The following CLNK variants were observed in gnomAD, a reference collection of about 807,000 sequenced individuals.
CLNK encodes the protein cytokine-dependent hematopoietic cell linker.
Under a neutral mutation model 68.6 loss-of-function variants are expected in CLNK, and 74 were observed. That is an observed-to-expected ratio of 1.08 (90% CI 0.89 to 1.31). The LOEUF (loss-of-function observed/expected upper bound fraction) is 1.31. Among genes scored for constraint, CLNK ranks in the 50% most tolerant of loss-of-function variants. CLNK has a pLI of 0.00. For missense variants in CLNK, 553 were observed against 515.3 expected, an observed-to-expected ratio of 1.07 and a Z score of -0.71; for synonymous variants, 198 against 172.2, an observed-to-expected ratio of 1.15 and a Z score of -1.17.
At chr4:10,515,951 C>A (rs1717816433) in intron 15 of CLNK, among the ~76,000 whole-genome samples, 1 of 152,118 alleles carries the variant, frequency 6.6e-6, no homozygotes, top group Admixed American at 6.5e-5. Context: ...TCACATGACA[C>A]CTAAGCTTTA....
intron 18 of CLNK, among the ~76,000 whole-genome samples, chr4:10,499,694 A>T (rs1261194485): frequency 6.6e-6 from 1 of 152,218 alleles, no homozygotes; most frequent in Non-Finnish European, 1.5e-5. Flanking sequence ...AAGGTGGCTT[A>T]AACAACAGAA....
At chr4:10,524,420 C>G (rs1453112468) in intron 14 of CLNK, among the ~76,000 whole-genome samples, 1 of 152,170 alleles carries the variant, frequency 6.6e-6, no homozygotes, top group Non-Finnish European at 1.5e-5. Flanking sequence ...GTGAGGTCGC[C>G]CAAGTCACAT....
intron 1 of CLNK, among the ~76,000 whole-genome samples, chr4:10,668,868 T>C (rs894630796): frequency 1.3e-5 from 2 of 152,134 alleles, no homozygotes; most frequent in African/African-American, 4.8e-5. Flanking sequence ...TTGGCCAAAC[T>C]CAACAGAAAG....
At chr4:10,628,833 A>G (rs1722778717) in intron 2 of CLNK, among the ~76,000 whole-genome samples, 1 of 152,322 alleles carries the variant, frequency 6.6e-6, no homozygotes, top group South Asian at 2.1e-4. Flanking sequence ...GTCCAGACCT[A>G]CCAATGAAGA....
In CLNK at chr4:10,487,926, C is replaced by A. The variant is rs1716422712; in HGVS notation, c.*2541G>T. On this transcript the variant is annotated 3_prime_UTR_variant, in exon 19 of 19. Transcript: ENST00000226951. ...TCTTTCTCAAACATTAACCTCCAATCAGTGTTTGCACTTCTAACTTTGTCC... is the reference window on the plus strand; with the variant it reads ...TCTTTCTCAAACATTAACCTCCAATAAGTGTTTGCACTTCTAACTTTGTCC... 3 of 152,076 alleles carry A rather than the reference C, an allele frequency of 2.0e-5. No homozygotes were observed. The South Asian group carries it at 6.2e-4, about 32-fold the overall frequency. The allele number at this position is 152,076 out of a possible 1,614,324, so 9.4% of individuals were successfully genotyped here. A position where few individuals can be genotyped will look rare whatever the true frequency, so the allele number is the denominator to read the frequency against.
chr4:10,569,663 C>A (rs1720265180), intron 5 of CLNK, among the ~76,000 whole-genome samples: 1 of 152,332 alleles, frequency 6.6e-6, no homozygotes, highest in African/African-American at 2.4e-5. Context: ...TGCACTCACA[C>A]ACAATGGTCA....
Position 10,520,813 on chromosome 4 carries a change from G to A in CLNK, c.750C>T (p.Ser250=), listed in dbSNP as rs1718029593. Residue 250 remains serine, a synonymous_variant, in exon 15 of 19, where the codon AGC becomes AGT. Coordinates refer to ENST00000226951, the MANE Select transcript of CLNK (RefSeq NM_052964.4). ...LAISSSSFTT[S]NHSVQNRDHR... ...TACCTCTGTTTTGCACACTGTGGTT[G>A]CTTGTCGTGAATGAAGAACTATAAG... 1.2e-6 allele frequency: 2 copies of A among 1,606,518 alleles called. No homozygotes were observed.
At chr4:10,507,868 G>A in intron 17 of CLNK, 91 bp downstream of exon 17, 1 of 938,926 alleles carries the variant, frequency 1.1e-6, no homozygotes, top group Admixed American at 2.4e-5. Context: ...ATACATGAAA[G>A]CAAGCTGCTT....
At chr4:10,569,006 T>G (rs1720234275) in intron 5 of CLNK, among the ~76,000 whole-genome samples, 1 of 152,208 alleles carries the variant, frequency 6.6e-6, no homozygotes, top group Admixed American at 6.5e-5. Flanking sequence ...TGTGACACTA[T>G]CACAGTAAAA....
intron 8 of CLNK, among the ~76,000 whole-genome samples, chr4:10,546,891 G>A (rs1719253918): frequency 6.6e-6 from 1 of 152,174 alleles, no homozygotes; most frequent in African/African-American, 2.4e-5. Context: ...CTTGCTGAAG[G>A]GGACTTACTG....
chr4:10,496,070 G>A (rs1434108544), intron 18 of CLNK, among the ~76,000 whole-genome samples: 1 of 152,192 alleles, frequency 6.6e-6, no homozygotes, highest in East Asian at 1.9e-4. Flanking sequence ...TTCTGGGGAA[G>A]GGAATACTTA....
intron 2 of CLNK, among the ~76,000 whole-genome samples, chr4:10,656,751 A>G (rs544773229): frequency 1.2e-4 from 19 of 152,242 alleles, no homozygotes; most frequent in Non-Finnish European, 2.5e-4. Context: ...TAGGACATGT[A>G]AACTGGATTG....
the CLNK span, among the ~76,000 whole-genome samples, chr4:10,708,698 T>C: frequency 6.6e-6 from 1 of 152,218 alleles, no homozygotes; most frequent in Non-Finnish European, 1.5e-5. Context: ...ATTTTCATTT[T>C]AAGATAACCA....
At chr4:10,612,137 G>T (rs1432460616) in intron 2 of CLNK, among the ~76,000 whole-genome samples, 1 of 152,222 alleles carries the variant, frequency 6.6e-6, no homozygotes, top group African/African-American at 2.4e-5. Context: ...GTAACCAAGT[G>T]TTGAGAGAGC....
intron 5 of CLNK, among the ~76,000 whole-genome samples, chr4:10,571,508 G>A (rs1375460840): frequency 1.3e-5 from 2 of 151,710 alleles, no homozygotes; most frequent in Non-Finnish European, 1.5e-5. Context: ...CTAATTTTTT[G>A]TATTTTTAGT....
chr4:10,593,830 G>T (rs1239402747), intron 3 of CLNK, among the ~76,000 whole-genome samples: 1 of 152,214 alleles, frequency 6.6e-6, no homozygotes, highest in African/African-American at 2.4e-5. Context: ...AGCCAATGAG[G>T]TGACGAATGG....
chr4:10,543,877 C>G (rs1268484459), intron 8 of CLNK, among the ~76,000 whole-genome samples: 1 of 152,196 alleles, frequency 6.6e-6, no homozygotes, highest in African/African-American at 2.4e-5. Flanking sequence ...TGTGAAAACA[C>G]AAAATATGAC....
At chr4:10,623,939 G>T (rs369828387) in intron 2 of CLNK, among the ~76,000 whole-genome samples, 3 of 152,236 alleles carry the variant, frequency 2.0e-5, no homozygotes, top group African/African-American at 7.2e-5. Context: ...GTGAAGAAAG[G>T]AAGAAAACAT....
At chr4:10,728,052 G>A in the CLNK span, among the ~76,000 whole-genome samples, 35 of 152,278 alleles carry the variant, frequency 2.3e-4, no homozygotes, top group East Asian at 6.0e-3. Flanking sequence ...AGAGGGTATC[G>A]TACAATGTCT....
Sources: gnomAD v4.1 joint callset for allele counts (sites outside exome capture counted in the v4.1 genomes callset) on GRCh38, gnomAD v4.1.1 for gene constraint, MANE v1.5 for transcripts, NCBI Gene and HGNC (gene_info 2026-07-23, HGNC 2026-07-21) for gene names.